Variants in COQ10B observed in about 807,000 individuals in gnomAD.
The protein encoded by COQ10B is coenzyme Q-binding protein COQ10 homolog B, mitochondrial.
Under a neutral mutation model 27.6 loss-of-function variants are expected in COQ10B, and 12 were observed. The ratio of observed to expected loss-of-function variants is 0.43; its 90% CI spans 0.28 to 0.70. COQ10B has a LOEUF of 0.70. Among genes scored for constraint, COQ10B ranks in the 30% least tolerant of loss-of-function variants. COQ10B has a pLI of 0.17. For missense variants in COQ10B, 278 were observed against 288.7 expected (o/e 0.96, Z 0.27); for synonymous variants, 115 against 103.0 (o/e 1.12, Z -0.71).
At chr2:197,470,214 A>G in intron 4 of COQ10B, 43 bp downstream of exon 4, 2 of 1,146,670 alleles carry the variant, frequency 1.7e-6, no homozygotes, top group Non-Finnish European at 2.6e-6. Context: ...TTATGAGGTA[A>G]AATTGGTAAA....
chr2:197,470,710 T>C (rs933348971), intron 4 of COQ10B, among the ~76,000 whole-genome samples: 5 of 151,982 alleles, frequency 3.3e-5, no homozygotes, highest in South Asian at 2.1e-4. Flanking sequence ...GCCTGACCAA[T>C]ATCATGAAAC....
At position 197,473,856 on chromosome 2, in the gene COQ10B, T is replaced by C. The variant is rs771629899; in HGVS notation, c.649T>C (p.Cys217Arg). The change falls in exon 5 of 5, where the codon TGT becomes CGT. Residue 217 changes from cysteine (C) to arginine (R), a missense_variant. By Grantham distance (180) the Cys-to-Arg change is radical (BLOSUM62 -3). Around this residue, in one of 3 missense-constraint regions of COQ10B, gnomAD observed 83 missense variants for 104.5 expected, o/e 0.79. Transcript: ENST00000263960. ...QMVAAFERRACKLYGPETNIP... is the reference protein window; with the variant it reads ...QMVAAFERRARKLYGPETNIP... ...GGTAGCTGCCTTTGAAAGAAGAGCA[T>C]GTAAGCTGTATGGTCCAGAAACAAA... 1.9e-6 allele frequency: 3 copies of C among 1,605,408 alleles called. No individual in the cohort carries two copies. The highest frequency in any genetic ancestry group is 1.7e-6 in the Non-Finnish European group (2 of 1,174,318).
At chr2:197,471,274 C>G (rs910559725) in intron 4 of COQ10B, among the ~76,000 whole-genome samples, 4 of 151,992 alleles carry the variant, frequency 2.6e-5, no homozygotes, top group Non-Finnish European at 4.4e-5. Flanking sequence ...TCCCGAGTAG[C>G]TGGGACTACA....
intron 2 of COQ10B, 27 bp from the exon 3 acceptor site, chr2:197,462,512 C>T: frequency 8.0e-7 from 1 of 1,256,518 alleles, no homozygotes; most frequent in Non-Finnish European, 1.1e-6. Context: ...GGAGTTAACA[C>T]CTCTTTTTTA....
chr2:197,466,946 ATTT>A (rs761370832), intron 3 of COQ10B, among the ~76,000 whole-genome samples: 1 of 138,934 alleles, frequency 7.2e-6, no homozygotes, highest in Non-Finnish European at 1.6e-5. Flanking sequence ...CAGTTTCCAG[ATTT>A]TTTTTTTTTT....
At chr2:197,473,415 A>AAAAATATATAT (rs1229206676) in intron 4 of COQ10B, among the ~76,000 whole-genome samples, 3 of 59,506 alleles carry the variant, frequency 5.0e-5, no homozygotes, top group Admixed American at 2.2e-4. Context: ...AAAAAAAAAA[A>AAAAATATATAT]ATATATATAT....
At chr2:197,459,874 T>A (rs1342146661) in intron 1 of COQ10B, 58 bp from the exon 2 acceptor site, 1 of 1,313,432 alleles carries the variant, frequency 7.6e-7, no homozygotes. Flanking sequence ...TTTCTATAAT[T>A]TGTGCTTCCT....
At chr2:197,468,995 C>T (rs1005941820) in intron 3 of COQ10B, among the ~76,000 whole-genome samples, 16 of 152,112 alleles carry the variant, frequency 1.1e-4, no homozygotes, top group African/African-American at 3.6e-4. Flanking sequence ...GATGGCATCT[C>T]TTTCATGGAT....
chr2:197,470,547 G>A (rs1007750680), intron 4 of COQ10B, among the ~76,000 whole-genome samples: 6 of 152,248 alleles, frequency 3.9e-5, no homozygotes, highest in African/African-American at 1.4e-4. Context: ...ATCACTTGAG[G>A]CCAGGAGTTT....
Position 197,475,200 on chromosome 2 carries a change from A to C in COQ10B, c.*1276A>C, listed in dbSNP as rs182337179. ...ATTTGCATAGACATAGTAAAGTGTT[A>C]CAGCATTTCATGTCTTAAAAATATC... On this transcript the variant is annotated 3_prime_UTR_variant, in exon 5 of 5. Coordinates refer to ENST00000263960, the MANE Select transcript of COQ10B (RefSeq NM_025147.5). The C allele has an allele frequency of 9.5e-4, 145 of 152,446 alleles. No individual in the cohort carries two copies. Among genetic ancestry groups the C allele is most frequent in the African/African-American group, 3.2e-3 (135 of 41,566 alleles). 9.4% of individuals were successfully genotyped at this position (152,446 alleles called of 1,614,324 possible).
chr2:197,469,696 A>G (rs545695618), intron 3 of COQ10B, among the ~76,000 whole-genome samples: 1 of 152,316 alleles, frequency 6.6e-6, no homozygotes, highest in East Asian at 1.9e-4. Flanking sequence ...TATTTTACAG[A>G]TTAAGGAAAT....
chr2:197,455,225 G>C (rs1379490135), intron 1 of COQ10B, among the ~76,000 whole-genome samples: 1 of 151,932 alleles, frequency 6.6e-6, no homozygotes, highest in Non-Finnish European at 1.5e-5. Context: ...AAGTCAACCA[G>C]ATACCCAATT....
At chr2:197,463,990 TATATATACACAC>T (rs1478323952) in intron 3 of COQ10B, among the ~76,000 whole-genome samples, 5 of 74,928 alleles carry the variant, frequency 6.7e-5, no homozygotes, top group African/African-American at 2.1e-4. Context: ...TATATATATA[TATATATACACAC>T]ACACACACAC....
chr2:197,471,321 A>G (rs1469461883), intron 4 of COQ10B, among the ~76,000 whole-genome samples: 5 of 151,886 alleles, frequency 3.3e-5, no homozygotes, highest in East Asian at 3.9e-4. Context: ...TTTGTATTCT[A>G]TGTAGGGATG....
chr2:197,453,845 G>A, intron 1 of COQ10B, 181 bp downstream of exon 1: 1 of 1,147,900 alleles, frequency 8.7e-7, no homozygotes, highest in Non-Finnish European at 1.2e-6. Context: ...GCATCACCTT[G>A]GGCCCAAGGC....
intron 4 of COQ10B, among the ~76,000 whole-genome samples, chr2:197,470,753 G>A (rs879710299): frequency 6.6e-6 from 1 of 152,214 alleles, no homozygotes; most frequent in Middle Eastern, 3.4e-3. Context: ...AAATTAGCCG[G>A]GCGTGGTGGC....
At chr2:197,471,900 C>T (rs1307132568) in intron 4 of COQ10B, among the ~76,000 whole-genome samples, 1 of 150,672 alleles carries the variant, frequency 6.6e-6, no homozygotes, top group Non-Finnish European at 1.5e-5. Context: ...TGAGATCGTA[C>T]CACTGCACTC....
rs112369963 is a variant in COQ10B at position 197,462,848 on chromosome 2, A to C, written c.447+117A>C. 1.6e-4 allele frequency: 90 copies of C among 566,712 alleles called. 4 individuals carry two copies. Among genetic ancestry groups the C allele is most frequent in the African/African-American group, 1.2e-3 (62 of 51,154 alleles). 35.1% of individuals were successfully genotyped at this position (566,712 alleles called of 1,614,324 possible). The stretch of plus-strand genomic sequence containing the variant: ...TTAACCTAACAGGAGGAGGGTAAAA[A>C]ATTTATTATATCTCCTAACTGTGTT... On this transcript the variant is annotated intron_variant, in intron 3 of 4. Transcript: ENST00000263960.
At chr2:197,467,498 C>T (rs2085836812) in intron 3 of COQ10B, among the ~76,000 whole-genome samples, 1 of 152,160 alleles carries the variant, frequency 6.6e-6, no homozygotes, top group East Asian at 1.9e-4. Flanking sequence ...CTGCCTCAGC[C>T]TCCTGTGTAG....
Sources: allele counts gnomAD v4.1 joint callset (sites outside exome capture counted in the v4.1 genomes callset), GRCh38; gene constraint gnomAD v4.1.1; regional missense constraint gnomAD v4.1.1; transcripts MANE v1.5; gene names NCBI Gene and HGNC (gene_info 2026-07-23, HGNC 2026-07-21).